Variants in PLEKHM3 observed in about 807,000 individuals in gnomAD.
The protein encoded by PLEKHM3 is pleckstrin homology domain containing M3.
A neutral mutation model predicts 81.8 loss-of-function variants in PLEKHM3; 45 were observed. That is an observed-to-expected ratio of 0.55 (90% confidence interval 0.43 to 0.71). PLEKHM3 has a LOEUF of 0.71. Ranked by LOEUF, PLEKHM3 falls within the 30% of genes least tolerant of loss-of-function variation. The pLI, the probability that PLEKHM3 is intolerant of heterozygous loss-of-function variation, is 0.00. For synonymous variants in PLEKHM3, 352 were observed against 356.4 expected (o/e 0.99, Z 0.14); for missense variants, 788 against 924.3 (o/e 0.85, Z 1.91).
intron 7 of PLEKHM3, among the ~76,000 whole-genome samples, chr2:207,858,178 A>T (rs62189229): frequency 9.0e-5 from 4 of 44,344 alleles, no homozygotes; most frequent in African/African-American, 3.5e-4. Context: ...GTGTGTGTAT[A>T]TATTTTTTTT....
rs1331081664 is a variant in PLEKHM3 at position 207,930,988 on chromosome 2, C to A, written c.1824G>T (p.Leu608=). ...TGAACAAATAGGCTCGGAGCGACTT[C>A]AGCCGCTGCCGCAGCCGCAGCACGG... The part of the protein sequence containing the change: ...LAAVLRLRQR[L]KSLRAYLFSC... The change falls in exon 5 of 8, where the codon CTG becomes CTT. Residue 608 remains leucine (L), a synonymous_variant. Coordinates refer to ENST00000427836, the MANE Select transcript of PLEKHM3 (RefSeq NM_001080475.3). 1.2e-6 allele frequency: 2 copies of A among 1,613,744 alleles called. No individual in the cohort carries two copies. Among genetic ancestry groups the A allele is most frequent in the Admixed American group, 3.3e-5 (2 of 60,016 alleles).
At chr2:207,974,459 C>T (rs561861219) in intron 3 of PLEKHM3, among the ~76,000 whole-genome samples, 6 of 152,176 alleles carry the variant, frequency 3.9e-5, no homozygotes, top group Non-Finnish European at 8.8e-5. Context: ...ATACCTGAGG[C>T]TTTTCTTCCC....
At chr2:207,841,508 T>TA (rs1559203259) in intron 7 of PLEKHM3, among the ~76,000 whole-genome samples, 5 of 125,536 alleles carry the variant, frequency 4.0e-5, no homozygotes, top group African/African-American at 5.9e-5. Flanking sequence ...TATATATATA[T>TA]TCACCACCAT....
intron 7 of PLEKHM3, among the ~76,000 whole-genome samples, chr2:207,844,458 A>T: frequency 8.2e-6 from 1 of 122,612 alleles, no homozygotes; most frequent in Non-Finnish European, 1.8e-5. Context: ...GCCCACCACC[A>T]CGCCCGGAGA....
At chr2:207,933,640 A>G (rs1689659646) in intron 4 of PLEKHM3, among the ~76,000 whole-genome samples, 1 of 152,204 alleles carries the variant, frequency 6.6e-6, no homozygotes, top group Non-Finnish European at 1.5e-5. Flanking sequence ...TTCTCTCTTC[A>G]GGTGGTACTT....
intron 6 of PLEKHM3, among the ~76,000 whole-genome samples, chr2:207,866,312 T>C (rs928497756): frequency 6.6e-5 from 10 of 152,070 alleles, no homozygotes; most frequent in Non-Finnish European, 1.2e-4. Context: ...TGAGCCACCA[T>C]GCCCAGCTAA....
At chr2:207,963,430 A>C (rs1025842760) in intron 3 of PLEKHM3, among the ~76,000 whole-genome samples, 8 of 152,188 alleles carry the variant, frequency 5.3e-5, no homozygotes, top group Non-Finnish European at 8.8e-5. Context: ...AATTGTAAAG[A>C]GAAGACTATC....
At chr2:207,858,119 T>G (rs554922344) in intron 7 of PLEKHM3, among the ~76,000 whole-genome samples, 2 of 151,020 alleles carry the variant, frequency 1.3e-5, no homozygotes, top group South Asian at 4.2e-4. Context: ...CCAAATATTT[T>G]GGGGTTTCAT....
intron 2 of PLEKHM3, among the ~76,000 whole-genome samples, chr2:207,999,533 A>G (rs772276079): frequency 8.5e-5 from 13 of 152,136 alleles, no homozygotes; most frequent in Non-Finnish European, 1.6e-4. Flanking sequence ...ATGAGCCAAG[A>G]GTTTGAGGCT....
chr2:207,847,684 A>G (rs1315937130), intron 7 of PLEKHM3, among the ~76,000 whole-genome samples: 1 of 152,224 alleles, frequency 6.6e-6, no homozygotes, highest in African/African-American at 2.4e-5. Flanking sequence ...GTTCCTCTTC[A>G]ACACCAGAGA....
chr2:207,913,560 C>T (rs958839861), intron 5 of PLEKHM3, among the ~76,000 whole-genome samples: 1 of 151,902 alleles, frequency 6.6e-6, no homozygotes, highest in African/African-American at 2.4e-5. Flanking sequence ...TGCCTGCTGG[C>T]AAACAGGAAT....
At chr2:207,975,813 T>A (rs751911816) in intron 3 of PLEKHM3, among the ~76,000 whole-genome samples, 47 of 151,802 alleles carry the variant, frequency 3.1e-4, no homozygotes, top group Non-Finnish European at 6.0e-4. Flanking sequence ...GCCAGGCTGG[T>A]CTTGAACTCC....
intron 7 of PLEKHM3, among the ~76,000 whole-genome samples, chr2:207,849,319 G>A (rs933975239): frequency 7.2e-5 from 11 of 152,000 alleles, no homozygotes; most frequent in Admixed American, 1.3e-4. Context: ...GGGCCACAGA[G>A]CGAGACTGTC....
intron 1 of PLEKHM3, among the ~76,000 whole-genome samples, chr2:208,004,299 C>A (rs2106098428): frequency 6.6e-6 from 1 of 152,078 alleles, no homozygotes; most frequent in Non-Finnish European, 1.5e-5. Context: ...CCTGTAGTCC[C>A]AGCTACTCGG....
rs150734331 is a variant in PLEKHM3 at position 208,002,189 on chromosome 2, G to C, written c.-318-232C>G. 1.2e-3 allele frequency among the ~76,000 whole-genome samples: 184 copies of C among 152,316 alleles called. 1 individual carries two copies. Among genetic ancestry groups the C allele is most frequent in the Middle Eastern group, 3.4e-3 (1 of 294 alleles). ...TTGATAAGAGGAATTAAAGTCAATA[G>C]CTTTTACTCACACAGAGAAAATGCT... On this transcript the variant is annotated intron_variant, in intron 1 of 7. Transcript: ENST00000427836.
At chr2:207,831,094 C>T (rs959590890) in intron 7 of PLEKHM3, among the ~76,000 whole-genome samples, 6 of 152,166 alleles carry the variant, frequency 3.9e-5, no homozygotes, top group Non-Finnish European at 7.3e-5. Flanking sequence ...AGTTCCTGGC[C>T]GTGGTGGGAA....
chr2:207,984,084 A>T (rs117508377), intron 2 of PLEKHM3, among the ~76,000 whole-genome samples: 1 of 152,332 alleles, frequency 6.6e-6, no homozygotes, highest in East Asian at 1.9e-4. Context: ...CTTGAAAAGC[A>T]TGTAGAAGAG....
chr2:207,969,812 A>T (rs943066389), intron 3 of PLEKHM3, among the ~76,000 whole-genome samples: 1 of 152,214 alleles, frequency 6.6e-6, no homozygotes, highest in African/African-American at 2.4e-5. Flanking sequence ...GAGGCTAAAA[A>T]TTTGAGTTTT....
intron 3 of PLEKHM3, among the ~76,000 whole-genome samples, chr2:207,950,232 C>G (rs1690284811): frequency 6.6e-6 from 1 of 152,148 alleles, no homozygotes; most frequent in Admixed American, 6.5e-5. Context: ...CTGAAATCAC[C>G]CTAATGACCC....
Sources: allele counts gnomAD v4.1 joint callset (sites outside exome capture counted in the v4.1 genomes callset), GRCh38; gene constraint gnomAD v4.1.1; transcripts MANE v1.5; gene names NCBI Gene and HGNC (gene_info 2026-07-23, HGNC 2026-07-21).